The following GRM4 variants were observed in gnomAD, a reference collection of about 807,000 sequenced individuals.
The protein encoded by GRM4 is metabotropic glutamate receptor 4.
A neutral mutation model predicts 81.7 loss-of-function variants in GRM4; 28 were observed. The ratio of observed to expected loss-of-function variants is 0.34; its 90% CI spans 0.25 to 0.47. The LOEUF (loss-of-function observed/expected upper bound fraction) is 0.47, where lower values mean the gene tolerates loss of function less well. Among genes scored for constraint, GRM4 ranks in the 20% least tolerant of loss-of-function variants. The pLI, the probability that GRM4 is intolerant of heterozygous loss-of-function variation, is 1.00. For missense variants in GRM4, 948 were observed against 1,290.0 expected, an observed-to-expected ratio of 0.73 and a Z score of 4.06; for synonymous variants, 488 against 528.8, an observed-to-expected ratio of 0.92 and a Z score of 1.06.
Position 34,068,465 on chromosome 6 carries a change from G to A in GRM4, c.737-6437C>T, listed in dbSNP as rs1438419377. ...GTCTGACCGTGGCAGGACCCTCTGAGCCCCCACTGTGCCTGGGATGCTCTC... is the reference window on the plus strand; with the variant it reads ...GTCTGACCGTGGCAGGACCCTCTGAACCCCCACTGTGCCTGGGATGCTCTC... On this transcript the variant is annotated intron_variant, in intron 3 of 10. Coordinates refer to ENST00000538487, the MANE Select transcript of GRM4 (RefSeq NM_000841.4). This position sits in a 1 kb window ranked among gnomAD's most constrained non-coding sequence, Gnocchi z 4.2. Among the ~76,000 whole-genome samples, 7 of 152,208 alleles carry A rather than the reference G, an allele frequency of 4.6e-5. No homozygotes were observed. Among genetic ancestry groups the A allele is most frequent in the South Asian group, 2.1e-4 (1 of 4,822 alleles).
At chr6:34,144,368 A>T (rs1336412748) in intron 1 of GRM4, among the ~76,000 whole-genome samples, 1 of 152,178 alleles carries the variant, frequency 6.6e-6, no homozygotes, top group East Asian at 1.9e-4. Context: ...ACGCGCGTAC[A>T]CACATGCACA....
At chr6:34,087,071 G>C (rs1485880985) in intron 3 of GRM4, among the ~76,000 whole-genome samples, 1 of 151,628 alleles carries the variant, frequency 6.6e-6, no homozygotes, top group Non-Finnish European at 1.5e-5. Context: ...GCTCCAATGA[G>C]CTGTGATTGT....
chr6:34,077,880 G>T (rs1204785166), intron 3 of GRM4, among the ~76,000 whole-genome samples: 1 of 152,098 alleles, frequency 6.6e-6, no homozygotes, highest in Non-Finnish European at 1.5e-5. Flanking sequence ...CTCAATCACT[G>T]CACTTCGCAC....
At chr6:34,093,751 G>C (rs1269875882) in intron 2 of GRM4, among the ~76,000 whole-genome samples, 1 of 152,174 alleles carries the variant, frequency 6.6e-6, no homozygotes, top group Admixed American at 6.5e-5. Flanking sequence ...ATTGCCAAAA[G>C]CATGGCCCAG....
intron 3 of GRM4, 124 bp from the exon 4 acceptor site, chr6:34,062,152 G>T: frequency 9.7e-7 from 1 of 1,027,442 alleles, no homozygotes; most frequent in Non-Finnish European, 1.4e-6. Context: ...CTGACTCCCA[G>T]CCCTGGGATC....
Position 34,090,260 on chromosome 6 carries a change from C to T in GRM4, c.736+1623G>A, listed in dbSNP as rs923135439. On this transcript the variant is annotated intron_variant, in intron 3 of 10. Coordinates refer to ENST00000538487, the MANE Select transcript of GRM4 (RefSeq NM_000841.4). This position sits in a 1 kb window ranked among gnomAD's most constrained non-coding sequence, Gnocchi z 5.2. Reference sequence around the variant, plus strand: ...ACTCAGGGCCCTTGATCCCTTCCCCCATCCTATACCTTTGCCCCTAAATCC... The same window carrying T: ...ACTCAGGGCCCTTGATCCCTTCCCCTATCCTATACCTTTGCCCCTAAATCC... 1.3e-5 allele frequency among the ~76,000 whole-genome samples: 2 copies of T among 152,210 alleles called. No individual in the cohort carries two copies. The highest frequency in any genetic ancestry group is 2.9e-5 in the Non-Finnish European group (2 of 68,036).
chr6:34,140,702 C>T (rs1370492495), intron 1 of GRM4, among the ~76,000 whole-genome samples: 2 of 152,224 alleles, frequency 1.3e-5, no homozygotes, highest in Non-Finnish European at 2.9e-5. Context: ...CCTCCCCATC[C>T]CTACATGCCG....
chr6:34,086,787 C>T (rs1044947919), intron 3 of GRM4, among the ~76,000 whole-genome samples: 4 of 152,210 alleles, frequency 2.6e-5, no homozygotes, highest in Non-Finnish European at 4.4e-5. Context: ...GTATAATGAG[C>T]TGTCTTGAGA....
At chr6:34,073,689 G>T (rs1767157776) in intron 3 of GRM4, among the ~76,000 whole-genome samples, 1 of 151,450 alleles carries the variant, frequency 6.6e-6, no homozygotes, top group African/African-American at 2.4e-5. Flanking sequence ...CACAGTCACC[G>T]CACGTGAACA....
intron 1 of GRM4, among the ~76,000 whole-genome samples, chr6:34,140,779 T>C (rs893411911): frequency 6.6e-6 from 1 of 152,240 alleles, no homozygotes; most frequent in Non-Finnish European, 1.5e-5. Flanking sequence ...GTTACTATTT[T>C]GGCCTTCGCC....
intron 3 of GRM4, among the ~76,000 whole-genome samples, chr6:34,091,082 C>G (rs576132763): frequency 2.2e-4 from 33 of 152,308 alleles, no homozygotes. Flanking sequence ...CTAGGGCTGC[C>G]TGCTGCCCCA....
chr6:34,062,190 C>G (rs1438244283), intron 3 of GRM4, 162 bp from the exon 4 acceptor site: 1 of 655,250 alleles, frequency 1.5e-6, no homozygotes, highest in African/African-American at 1.8e-5. Context: ...GCTGTGCAGT[C>G]AGGACAGCTT....
rs1764928421 is a variant in GRM4 at position 34,040,172 on chromosome 6, A to G, written c.1506+6T>C. The G allele has an allele frequency of 6.2e-7, 1 of 1,613,362 alleles. No homozygotes were observed. Among genetic ancestry groups the G allele is most frequent in the Non-Finnish European group, 8.5e-7 (1 of 1,179,428 alleles). ...CTCTCCACCCACTCCCTGCCCTCCC[A>G]CTTACTCTAAGGTGCAGGTGGTCAG... On this transcript the variant is annotated splice_donor_region_variant and intron_variant, in intron 8 of 10. Coordinates refer to ENST00000538487, the MANE Select transcript of GRM4 (RefSeq NM_000841.4).
chr6:34,144,894 G>A lies in GRM4; in HGVS notation c.-364+1106C>T, dbSNP rs79107456. On this transcript the variant is annotated intron_variant, in intron 1 of 10. Coordinates refer to ENST00000538487, the MANE Select transcript of GRM4 (RefSeq NM_000841.4). ...GGAAAGCCTGCCTTAGCCCCGAGGG[G>A]AGACCCTCTAGTTCAGATCCCGCGC... is the stretch of plus-strand genomic sequence containing the variant. Among the ~76,000 whole-genome samples, 884 of 152,234 alleles carry A rather than the reference G, an allele frequency of 5.8e-3. 9 individuals are homozygous for A. Among genetic ancestry groups the A allele is most frequent in the Non-Finnish European group, 7.2e-3 (492 of 68,002 alleles).
chr6:34,046,866 A>C (rs78258738), intron 6 of GRM4, among the ~76,000 whole-genome samples: 3,551 of 152,314 alleles, frequency 0.023, 59 homozygotes, highest in Middle Eastern at 0.048. Context: ...CTGGGTGAGC[A>C]TGAGCCACAA....
At position 34,074,686 on chromosome 6, in the gene GRM4, T is replaced by C. The variant is rs1429867977; in HGVS notation, c.737-12658A>G. On this transcript the variant is annotated intron_variant, in intron 3 of 10. Transcript: ENST00000538487. The surrounding 1 kb of genome is among the most constrained non-coding windows in gnomAD (Gnocchi z 4.9). ...CGCTAGGCTCTGAGCAGAGGGAAATTTGCTGAGTGATCGACTTAATATCTC... is the reference window on the plus strand; with the variant it reads ...CGCTAGGCTCTGAGCAGAGGGAAATCTGCTGAGTGATCGACTTAATATCTC... Among the ~76,000 whole-genome samples the C allele has an allele frequency of 6.6e-6, 1 of 152,218 alleles. No homozygotes were observed. The highest frequency in any genetic ancestry group is 1.5e-5 in the Non-Finnish European group (1 of 68,038).
exon 1 of GRM4, chr6:34,155,256 G>C: frequency 4.6e-6 from 7 of 1,535,254 alleles, no homozygotes; most frequent in Non-Finnish European, 5.2e-6. Flanking sequence ...ACCTGGGCGG[G>C]AGGCGGCAGG....
chr6:34,123,270 TCAGTAAGTCCCCA>T (rs1323375006), intron 2 of GRM4, among the ~76,000 whole-genome samples: 1 of 151,994 alleles, frequency 6.6e-6, no homozygotes, highest in African/African-American at 2.4e-5. Context: ...GGACCCCAGG[TCAGTAAGTCCCCA>T]TGCAAGGAGG....
At chr6:34,135,132 C>T (rs1054146829) in intron 1 of GRM4, among the ~76,000 whole-genome samples, 4 of 152,176 alleles carry the variant, frequency 2.6e-5, no homozygotes, top group East Asian at 3.9e-4. Context: ...GTTGGGATTG[C>T]GAGGCTTCCC....
Sources: gnomAD v4.1 joint callset for allele counts (sites outside exome capture counted in the v4.1 genomes callset) on GRCh38, gnomAD v4.1.1 for gene constraint, Gnocchi (gnomAD v3.1) non-coding constraint, MANE v1.5 for transcripts, NCBI Gene and HGNC (gene_info 2026-07-23, HGNC 2026-07-21) for gene names.